Variants in AIFM2 observed in about 807,000 individuals in gnomAD.
AIFM2 encodes ferroptosis suppressor protein 1.
In AIFM2, 38 loss-of-function variants were observed where a neutral mutation model predicts 35.7. The observed-to-expected ratio is 1.06, with a 90% CI of 0.82 to 1.39. AIFM2 has a LOEUF of 1.39. Among genes scored for constraint, AIFM2 ranks in the 40% most tolerant of loss-of-function variants. The pLI is 0.00. For synonymous variants in AIFM2, 185 were observed against 203.5 expected (o/e 0.91, Z 0.77); for missense variants, 476 against 491.2 (o/e 0.97, Z 0.29).
rs930409201 is a variant in AIFM2, at chr10:70,131,519, G to A, written c.-14+1215C>T. On this transcript the variant is annotated intron_variant, in intron 1 of 8. Transcript: ENST00000307864. The surrounding 1 kb of genome is among the most constrained non-coding windows in gnomAD (Gnocchi z 4.1). Reference sequence around the variant, plus strand: ...ATCCCCAGGGGAGGGCAGCTCTGGGGCAGACAGGTTCATCTGGATGTCATA... The same window carrying A: ...ATCCCCAGGGGAGGGCAGCTCTGGGACAGACAGGTTCATCTGGATGTCATA... Among the ~76,000 whole-genome samples the A allele has an allele frequency of 6.6e-6, 1 of 152,192 alleles. No individual in the cohort carries two copies. Among genetic ancestry groups the A allele is most frequent in the Non-Finnish European group, 1.5e-5 (1 of 68,042 alleles).
At chr10:70,118,076 G>C in intron 5 of AIFM2, 156 bp from the exon 6 acceptor site, 1 of 599,320 alleles carries the variant, frequency 1.7e-6, no homozygotes, top group South Asian at 2.0e-5. Flanking sequence ...ACCAATTAGT[G>C]GTGAGCTGGG....
chr10:70,117,207 C>T lies in AIFM2; in HGVS notation c.617-433G>A, dbSNP rs1367348698. ...CTGCCTAAAGTGACAGTGACGGCAG[C>T]ACTCCACAGCCAGTTACCAAAAGGA... On this transcript the variant is annotated intron_variant, in intron 6 of 8. Coordinates refer to ENST00000307864, the MANE Select transcript of AIFM2 (RefSeq NM_032797.6). The surrounding 1 kb of genome is among the most constrained non-coding windows in gnomAD (Gnocchi z 4.7). Among the ~76,000 whole-genome samples the T allele has an allele frequency of 6.6e-6, 1 of 152,202 alleles. No individual in the cohort carries two copies. The highest frequency in any genetic ancestry group is 1.5e-5 in the Non-Finnish European group (1 of 68,034).
rs942288859 is a variant in AIFM2, at chr10:70,121,080, T to C, written c.414+12A>G. ...TGCCCACACTGCCCCATGCCTTCAG[T>C]GCACAGCTCACCTGCCTCACCATGT... On this transcript the variant is annotated intron_variant, in intron 4 of 8. Coordinates refer to ENST00000307864, the MANE Select transcript of AIFM2 (RefSeq NM_032797.6). The C allele has an allele frequency of 1.6e-5, 25 of 1,607,442 alleles. No homozygotes were observed. The highest frequency in any genetic ancestry group is 2.0e-5 in the Non-Finnish European group (24 of 1,178,600).
At chr10:70,115,323 A>C (rs1007674487) in intron 7 of AIFM2, among the ~76,000 whole-genome samples, 2 of 152,234 alleles carry the variant, frequency 1.3e-5, no homozygotes, top group African/African-American at 4.8e-5. Flanking sequence ...TCTACCTCAC[A>C]ACTCTTCCTG....
At chr10:70,127,301 C>T (rs560024462) in intron 1 of AIFM2, among the ~76,000 whole-genome samples, 1 of 152,308 alleles carries the variant, frequency 6.6e-6, no homozygotes, top group African/African-American at 2.4e-5. Flanking sequence ...CGCAGCTGGC[C>T]GGGGATAGGG....
intron 1 of AIFM2, among the ~76,000 whole-genome samples, chr10:70,130,200 A>T (rs1348183677): frequency 6.6e-6 from 1 of 152,160 alleles, no homozygotes; most frequent in African/African-American, 2.4e-5. Context: ...AATTTTTTTT[A>T]ATTTAAATTT....
Position 70,116,732 on chromosome 10 carries a change from T to G in AIFM2, c.659A>C (p.Tyr220Ser), listed in dbSNP as rs1253508216. 1 of 1,614,196 alleles carries G rather than the reference T, an allele frequency of 6.2e-7. No homozygotes were observed. The highest frequency in any genetic ancestry group is 1.7e-5 in the Admixed American group (1 of 60,026). ...SNLEELPLNE[Y>S]REYIKVQTDK... ...CGTCTGCACTTTGATGTACTCTCGA[T>G]ACTCATTGAGAGGCAGCTCCTCCAG... Residue 220 changes from tyrosine to serine, a missense_variant, in exon 7 of 9, where the codon TAT becomes TCT. Coordinates refer to ENST00000307864, the MANE Select transcript of AIFM2 (RefSeq NM_032797.6).
rs2072401925 is a variant in AIFM2, at chr10:70,113,694, G to A, written c.*484C>T. On this transcript the variant is annotated 3_prime_UTR_variant, in exon 9 of 9. Coordinates refer to ENST00000307864, the MANE Select transcript of AIFM2 (RefSeq NM_032797.6). Reference sequence around the variant, plus strand: ...CGACCGTGTGATGGCAGAGATTTGGGGTGCTGGGCCTCTCTCCACCTCAGG... The same window carrying A: ...CGACCGTGTGATGGCAGAGATTTGGAGTGCTGGGCCTCTCTCCACCTCAGG... 1 of 153,316 alleles carries A rather than the reference G, an allele frequency of 6.5e-6. No homozygotes were observed. Among genetic ancestry groups the A allele is most frequent in the Non-Finnish European group, 1.5e-5 (1 of 68,884 alleles). 9.5% of individuals were successfully genotyped at this position (153,316 alleles called of 1,614,324 possible).
rs754619564 is a variant in AIFM2 at position 70,123,960 on chromosome 10, A to G, written c.125T>C (p.Met42Thr). ...CACATTGTGGTGGAAGGAGTCCTTC[A>G]TGTCCACCAGCATGAAGGGGACGTT... ...ALNVPFMLVD[M>T]KDSFHHNVAA... Residue 42 changes from methionine (M) to threonine (T), a missense_variant, in exon 2 of 9, where the codon ATG becomes ACG. Met to Thr is a moderately conservative substitution (Grantham distance 81, BLOSUM62 -1). Transcript: ENST00000307864. 77 of 1,611,644 alleles carry G rather than the reference A, an allele frequency of 4.8e-5. 2 individuals carry two copies. The East Asian group carries it at 1.7e-3, about 35-fold the overall frequency.
In AIFM2 at chr10:70,123,600, G is replaced by A. The variant is rs16927340; in HGVS notation, c.179-80C>T. 6.8e-3 allele frequency: 8,956 copies of A among 1,319,988 alleles called. 488 individuals are homozygous for A. In the African/African-American group the frequency reaches 0.11, roughly 17 times the overall value. 81.8% of individuals were successfully genotyped at this position (1,319,988 alleles called of 1,614,324 possible). ...GCCAGAGTGACTCAGAACCTTTCACGAGCTGCAAACCAACAGGGGTGCCCT... is the reference window on the plus strand; with the variant it reads ...GCCAGAGTGACTCAGAACCTTTCACAAGCTGCAAACCAACAGGGGTGCCCT... On this transcript the variant is annotated intron_variant, in intron 2 of 8. Transcript: ENST00000307864.
At chr10:70,124,477 G>C (rs1255607724) in intron 1 of AIFM2, among the ~76,000 whole-genome samples, 1 of 152,174 alleles carries the variant, frequency 6.6e-6, no homozygotes, top group Non-Finnish European at 1.5e-5. Context: ...AGATTGCAGT[G>C]GGGCAGGAGG....
intron 1 of AIFM2, among the ~76,000 whole-genome samples, chr10:70,130,944 A>G (rs1232941507): frequency 1.3e-5 from 2 of 152,148 alleles, no homozygotes; most frequent in African/African-American, 4.8e-5. Flanking sequence ...ACACACACAC[A>G]CAATCTGATT....
rs752856785 is a variant in AIFM2 at position 70,120,459 on chromosome 10, G to GA, written c.507+47dup. ...TTCCTGATGTTCCTAAGATAATGCA[G>GA]AAAAAAGCCAACCACTTAGAGCTCC... On this transcript the variant is annotated intron_variant, in intron 5 of 8. Coordinates refer to ENST00000307864, the MANE Select transcript of AIFM2 (RefSeq NM_032797.6). The GA allele has an allele frequency of 2.3e-5, 36 of 1,599,954 alleles. No individual in the cohort carries two copies. In the Admixed American group the frequency reaches 5.2e-4, roughly 23 times the overall value.
chr10:70,127,016 C>T (rs1283736021), intron 1 of AIFM2, among the ~76,000 whole-genome samples: 1 of 152,234 alleles, frequency 6.6e-6, no homozygotes, highest in African/African-American at 2.4e-5. Flanking sequence ...AATCTGCCAA[C>T]TGGGCCAGAA....
chr10:70,127,119 G>A (rs1302129141), intron 1 of AIFM2, among the ~76,000 whole-genome samples: 1 of 152,254 alleles, frequency 6.6e-6, no homozygotes, highest in East Asian at 1.9e-4. Flanking sequence ...GCCTGAGAAT[G>A]TAGGCAGTGA....
intron 8 of AIFM2, among the ~76,000 whole-genome samples, chr10:70,114,531 A>G (rs1441697334): frequency 6.6e-6 from 1 of 151,874 alleles, no homozygotes; most frequent in African/African-American, 2.4e-5. Context: ...CTGGAGTGCA[A>G]TGGTGTGATC....
intron 3 of AIFM2, among the ~76,000 whole-genome samples, chr10:70,123,127 C>T (rs948899154): frequency 5.3e-5 from 8 of 152,162 alleles, no homozygotes; most frequent in African/African-American, 1.9e-4. Flanking sequence ...CGAATTCAAG[C>T]AATTCTCCAG....
At chr10:70,130,168 G>A (rs940955803) in intron 1 of AIFM2, among the ~76,000 whole-genome samples, 4 of 152,104 alleles carry the variant, frequency 2.6e-5, no homozygotes, top group African/African-American at 9.7e-5. Flanking sequence ...GGGCGCCAGA[G>A]CAAGACTCTG....
At chr10:70,114,426 G>A (rs2136650325) in intron 8 of AIFM2, 97 bp from the exon 9 acceptor site, 2 of 1,479,314 alleles carry the variant, frequency 1.4e-6, no homozygotes, top group Non-Finnish European at 1.8e-6. Flanking sequence ...TCAGACTCAG[G>A]GCCGGAAATG....
Sources: allele counts gnomAD v4.1 joint callset (sites outside exome capture counted in the v4.1 genomes callset), GRCh38; gene constraint gnomAD v4.1.1; non-coding constraint Gnocchi (gnomAD v3.1); transcripts MANE v1.5; gene names NCBI Gene and HGNC (gene_info 2026-07-23, HGNC 2026-07-21).